LIAS: variants seen among roughly 807,000 people sequenced by gnomAD.
LIAS encodes lipoic acid synthetase, also known as lipoyl synthase, mitochondrial.
LIAS carries 36 observed loss-of-function variants against 49.4 expected under a neutral mutation model. The observed-to-expected ratio is 0.73, with a 90% CI of 0.56 to 0.96. The LOEUF (loss-of-function observed/expected upper bound fraction) is 0.96. LIAS is among the 40% of genes least tolerant of loss of function. The pLI is 0.00. For synonymous variants in LIAS, 145 were observed against 155.8 expected, an observed-to-expected ratio of 0.93 and a Z score of 0.52; for missense variants, 399 against 456.3, an observed-to-expected ratio of 0.87 and a Z score of 1.14.
chr4:39,477,039 T>C lies in LIAS; in HGVS notation c.1067-24T>C, dbSNP rs1214635866. On this transcript the variant is annotated intron_variant, in intron 10 of 10. Transcript: ENST00000640888. ...GTTATTTACTTTAAATTGATATTAA[T>C]GTGTTTTCCTTTTTCCTAAATAGGT... 2.8e-6 allele frequency: 4 copies of C among 1,429,810 alleles called. No individual in the cohort carries two copies. The South Asian group carries it at 3.7e-5, about 13-fold the overall frequency. 88.6% of individuals were successfully genotyped at this position (1,429,810 alleles called of 1,614,324 possible).
At position 39,464,582 on chromosome 4, in the gene LIAS, G is replaced by A. The variant is rs115033614; in HGVS notation, c.394-464G>A. Reference sequence around the variant, plus strand: ...CACAGTCATAGCTCACTGCAGCCTCGAACTCCTAGGCTCAAGTAATCCTCC... The same window carrying A: ...CACAGTCATAGCTCACTGCAGCCTCAAACTCCTAGGCTCAAGTAATCCTCC... On this transcript the variant is annotated intron_variant, in intron 4 of 10. Transcript: ENST00000640888. Among the ~76,000 whole-genome samples, 673 of 152,062 alleles carry A rather than the reference G, an allele frequency of 4.4e-3. 4 individuals carry two copies. The highest frequency in any genetic ancestry group is 7.1e-3 in the South Asian group (34 of 4,806).
chr4:39,461,634 G>A (rs1744501428), intron 2 of LIAS, among the ~76,000 whole-genome samples: 1 of 152,198 alleles, frequency 6.6e-6, no homozygotes, highest in Non-Finnish European at 1.5e-5. Context: ...GTGTAACTCT[G>A]CCTTTGCAAA....
At position 39,461,856 on chromosome 4, in the gene LIAS, G is replaced by A. The variant is rs143841963; in HGVS notation, c.219-340G>A. 4.5e-3 allele frequency among the ~76,000 whole-genome samples: 690 copies of A among 152,158 alleles called. 6 individuals carry two copies. Among genetic ancestry groups the A allele is most frequent in the African/African-American group, 0.015 (628 of 41,504 alleles). ...ACTACAGGCGCCTGCCACCACGCCCGGCTAATTTTTGTATTTTTAGTAGAG... is the reference window on the plus strand; with the variant it reads ...ACTACAGGCGCCTGCCACCACGCCCAGCTAATTTTTGTATTTTTAGTAGAG... On this transcript the variant is annotated intron_variant, in intron 2 of 10. Coordinates refer to ENST00000640888, the MANE Select transcript of LIAS (RefSeq NM_006859.4).
At chr4:39,463,399 A>C (rs1055206819) in intron 3 of LIAS, 126 bp from the exon 4 acceptor site, 1 of 1,266,300 alleles carries the variant, frequency 7.9e-7, no homozygotes, top group African/African-American at 1.5e-5. Context: ...AGCATTTTTG[A>C]ATAGTGAATG....
intron 6 of LIAS, 135 bp from the exon 7 acceptor site, chr4:39,467,383 G>T (rs895772453): frequency 1.1e-5 from 8 of 714,444 alleles, no homozygotes; most frequent in South Asian, 3.0e-5. Flanking sequence ...ACATCTGTAT[G>T]TTCATACTTT....
In LIAS at chr4:39,467,566, T is replaced by C; in HGVS notation, c.657T>C (p.Asp219=). Residue 219 remains aspartate, a synonymous_variant, in exon 7 of 11, where the codon GAT becomes GAC. Transcript: ENST00000640888. ...GTCTTACTCCTGATTTTCGAGGTGA[T>C]CTCAAAGCAATAGAAAAAGTTGCTC... ...VECLTPDFRG[D]LKAIEKVALS... The C allele has an allele frequency of 6.2e-7, 1 of 1,608,462 alleles. No individual in the cohort carries two copies. The highest frequency in any genetic ancestry group is 8.5e-7 in the Non-Finnish European group (1 of 1,177,310).
intron 10 of LIAS, among the ~76,000 whole-genome samples, chr4:39,474,262 CAAAAA>C (rs34137564): frequency 1.1e-5 from 1 of 92,402 alleles, no homozygotes; most frequent in African/African-American, 4.3e-5. Flanking sequence ...GACTCTGTCT[CAAAAA>C]AAAAAAAAAA....
chr4:39,477,623 A>ACTGTCCC lies in LIAS; in HGVS notation c.*508_*509insCTGTCCC, dbSNP rs1553935371. On this transcript the variant is annotated 3_prime_UTR_variant, in exon 11 of 11. Transcript: ENST00000640888. ...TAGTGTATCTTCTTTGTCCCAATTA[A>ACTGTCCC]ACAGTTGCTTGCTGTGATGTAATCT... The ACTGTCCC allele has an allele frequency of 1.3e-5, 2 of 152,484 alleles. No individual in the cohort carries two copies. The highest frequency in any genetic ancestry group is 2.9e-5 in the Non-Finnish European group (2 of 68,250). The allele number at this position is 152,484 out of a possible 1,614,324, so 9.4% of individuals were successfully genotyped here.
chr4:39,470,813 T>G (rs1391806366), intron 8 of LIAS, among the ~76,000 whole-genome samples: 1 of 152,244 alleles, frequency 6.6e-6, no homozygotes, highest in African/African-American at 2.4e-5. Flanking sequence ...TGATATGTCA[T>G]AGTTTAAATC....
chr4:39,464,605 T>C (rs1012556226), intron 4 of LIAS, among the ~76,000 whole-genome samples: 1 of 152,064 alleles, frequency 6.6e-6, no homozygotes, highest in African/African-American at 2.4e-5. Context: ...CAAGTAATCC[T>C]CCTATCTCAG....
intron 7 of LIAS, chr4:39,468,495 A>AAC: frequency 8.7e-6 from 1 of 114,700 alleles, no homozygotes; most frequent in Non-Finnish European, 1.9e-5. Context: ...AGAGAAAGGA[A>AAC]AAAAAAAATA....
At chr4:39,461,079 A>G in intron 2 of LIAS, 117 bp downstream of exon 2, 1 of 833,512 alleles carries the variant, frequency 1.2e-6, no homozygotes, top group Non-Finnish European at 1.8e-6. Context: ...TTAGCTAAAA[A>G]TCATTAGAAA....
intron 10 of LIAS, chr4:39,474,903 C>T (rs1745138058): frequency 6.6e-6 from 1 of 151,266 alleles, no homozygotes; most frequent in Non-Finnish European, 1.5e-5. Context: ...CTGACCTTGT[C>T]TCTTTAAAAA....
Position 39,463,377 on chromosome 4 carries a change from C to T in LIAS, c.313-148C>T, listed in dbSNP as rs117226773. 88 of 1,053,450 alleles carry T rather than the reference C, an allele frequency of 8.4e-5. No homozygotes were observed. In the East Asian group the frequency reaches 2.4e-3, roughly 28 times the overall value. The allele number at this position is 1,053,450 out of a possible 1,614,324, so 65.3% of individuals were successfully genotyped here. A position where few individuals can be genotyped will look rare whatever the true frequency, so the allele number is the denominator to read the frequency against. ...GGAATTACAGGCATGAGCCAGCGCA[C>T]TTGGTCTTAACAGCATTTTTGAATA... On this transcript the variant is annotated intron_variant, in intron 3 of 10. Transcript: ENST00000640888.
intron 9 of LIAS, 46 bp from the exon 10 acceptor site, chr4:39,473,054 A>G (rs1376040013): frequency 8.7e-7 from 1 of 1,152,450 alleles, no homozygotes. Flanking sequence ...CTGCAGAATC[A>G]AAGTGGAATT....
At chr4:39,463,655 C>T in intron 4 of LIAS, 50 bp downstream of exon 4, 1 of 1,562,068 alleles carries the variant, frequency 6.4e-7, no homozygotes, top group Non-Finnish European at 8.7e-7. Flanking sequence ...CTGAAAGGGA[C>T]TATTTTGTGT....
At chr4:39,465,472 G>T (rs1017110781) in intron 6 of LIAS, 130 bp downstream of exon 6, 8 of 768,096 alleles carry the variant, frequency 1.0e-5, no homozygotes, top group Admixed American at 9.3e-5. Context: ...TAATTCACTG[G>T]AAATTATGTA....
intron 8 of LIAS, 136 bp downstream of exon 8, chr4:39,470,300 G>A: frequency 1.8e-6 from 1 of 551,422 alleles, no homozygotes. Context: ...AAACCAACTT[G>A]CACATGCACC....
In LIAS at chr4:39,477,483, C is replaced by A; in HGVS notation, c.*368C>A. The A allele has an allele frequency of 5.6e-6, 1 of 178,006 alleles. No individual in the cohort carries two copies. Among genetic ancestry groups the A allele is most frequent in the African/African-American group, 2.4e-5 (1 of 41,814 alleles). 11.0% of individuals were successfully genotyped at this position (178,006 alleles called of 1,614,324 possible). On this transcript the variant is annotated 3_prime_UTR_variant, in exon 11 of 11. Transcript: ENST00000640888. ...GGGGGAGGTTGCAGTGAGCCAAGAT[C>A]GCTCCATTGCCCTCCAGCCTGGGTG...
Sources: allele counts gnomAD v4.1 joint callset (sites outside exome capture counted in the v4.1 genomes callset), GRCh38; gene constraint gnomAD v4.1.1; transcripts MANE v1.5; gene names NCBI Gene and HGNC (gene_info 2026-07-23, HGNC 2026-07-21).